Variants in SRGAP3 observed in about 807,000 individuals in gnomAD.
The protein encoded by SRGAP3 is SLIT-ROBO Rho GTPase-activating protein 3.
Under a neutral mutation model 121.1 loss-of-function variants are expected in SRGAP3, and 39 were observed. The observed-to-expected ratio is 0.32, with a 90% CI of 0.25 to 0.42. The LOEUF (loss-of-function observed/expected upper bound fraction) is 0.42, where lower values mean the gene tolerates loss of function less well. SRGAP3 is among the 10% of genes least tolerant of loss of function. The pLI is 1.00. For missense variants in SRGAP3, 1,213 were observed against 1,470.6 expected (o/e 0.82, Z 2.86); for synonymous variants, 601 against 570.0 (o/e 1.05, Z -0.77).
intron 1 of SRGAP3, among the ~76,000 whole-genome samples, chr3:9,168,739 A>T (rs1301767757): frequency 6.6e-6 from 1 of 152,254 alleles, no homozygotes; most frequent in Non-Finnish European, 1.5e-5. Flanking sequence ...TGCAGATATG[A>T]GGAAAGAGAG....
intron 1 of SRGAP3, among the ~76,000 whole-genome samples, chr3:9,188,178 A>C (rs1461279736): frequency 6.6e-6 from 1 of 152,208 alleles, no homozygotes; most frequent in African/African-American, 2.4e-5. Flanking sequence ...AATAAAACAA[A>C]AGGCTGACAA....
At chr3:9,060,050 C>T (rs1040659439) in intron 6 of SRGAP3, 181 bp downstream of exon 6, 229 of 947,888 alleles carry the variant, frequency 2.4e-4, no homozygotes, top group Non-Finnish European at 3.3e-4. Context: ...ATAGACACCA[C>T]GAGGTAACAT....
intron 1 of SRGAP3, among the ~76,000 whole-genome samples, chr3:9,336,347 C>G (rs1481867041): frequency 6.6e-6 from 1 of 152,040 alleles, no homozygotes; most frequent in African/African-American, 2.4e-5. Context: ...TCCTGAGTAG[C>G]TGGGACTATA....
chr3:9,120,911 C>T (rs758111372), intron 2 of SRGAP3, among the ~76,000 whole-genome samples: 5 of 152,176 alleles, frequency 3.3e-5, no homozygotes, highest in Admixed American at 6.5e-5. Context: ...CAGCACAGTG[C>T]GTATTCCTGG....
At chr3:9,080,534 TGA>T (rs1947190418) in intron 3 of SRGAP3, among the ~76,000 whole-genome samples, 1 of 152,184 alleles carries the variant, frequency 6.6e-6, no homozygotes, top group Non-Finnish European at 1.5e-5. Flanking sequence ...CAATTCCTCT[TGA>T]GAGTAAATGA....
chr3:9,096,715 A>G (rs1307203647), intron 3 of SRGAP3, among the ~76,000 whole-genome samples: 9 of 151,648 alleles, frequency 5.9e-5, no homozygotes, highest in African/African-American at 1.7e-4. Flanking sequence ...GACCACCATC[A>G]TTTAGAACTA....
intron 1 of SRGAP3, among the ~76,000 whole-genome samples, chr3:9,158,984 G>A (rs1366212744): frequency 6.6e-6 from 1 of 152,156 alleles, no homozygotes; most frequent in African/African-American, 2.4e-5. Flanking sequence ...ACTCACCCTA[G>A]TCTCTGCGCT....
At chr3:9,128,767 A>C (rs1002580993) in intron 1 of SRGAP3, among the ~76,000 whole-genome samples, 1 of 152,276 alleles carries the variant, frequency 6.6e-6, no homozygotes, top group African/African-American at 2.4e-5. Context: ...ATAATGAAAA[A>C]GGAATGCTAC....
At chr3:9,207,826 C>T (rs944292000) in intron 1 of SRGAP3, among the ~76,000 whole-genome samples, 3 of 152,172 alleles carry the variant, frequency 2.0e-5, no homozygotes, top group Non-Finnish European at 4.4e-5. Context: ...AGTAACTTCC[C>T]GGACCTGGGG....
At chr3:9,257,668 C>A (rs1954159973) in intron 3 of SRGAP3, among the ~76,000 whole-genome samples, 1 of 133,220 alleles carries the variant, frequency 7.5e-6, no homozygotes, top group African/African-American at 2.7e-5. Context: ...TTTACGAATT[C>A]ATTTACTCAC....
At chr3:9,224,966 G>A (rs574922413) in intron 1 of SRGAP3, among the ~76,000 whole-genome samples, 27 of 152,294 alleles carry the variant, frequency 1.8e-4, no homozygotes, top group African/African-American at 6.0e-4. Flanking sequence ...GGGCAATCAA[G>A]AGGTCTACAG....
At chr3:8,986,452 C>A (rs1941713137) in intron 21 of SRGAP3, among the ~76,000 whole-genome samples, 1 of 152,156 alleles carries the variant, frequency 6.6e-6, no homozygotes, top group Non-Finnish European at 1.5e-5. Flanking sequence ...CCAAACCCTG[C>A]CCCCTAATAA....
intron 1 of SRGAP3, among the ~76,000 whole-genome samples, chr3:9,197,734 A>T (rs1349688074): frequency 6.6e-6 from 1 of 152,252 alleles, no homozygotes; most frequent in Non-Finnish European, 1.5e-5. Context: ...TCCAAAGCAT[A>T]TGCTTCAGAA....
intron 3 of SRGAP3, among the ~76,000 whole-genome samples, chr3:9,268,035 A>G (rs1296129497): frequency 6.6e-6 from 1 of 152,130 alleles, no homozygotes; most frequent in Non-Finnish European, 1.5e-5. Flanking sequence ...CCTCAGACCA[A>G]CAGGAAGCAA....
At chr3:9,214,827 T>C (rs1154396) in intron 1 of SRGAP3, among the ~76,000 whole-genome samples, 40,879 of 152,040 alleles carry the variant, frequency 0.27, 5,747 homozygotes, top group South Asian at 0.32. Context: ...CTATGACTAA[T>C]AAGGAAAATT....
chr3:9,058,303 T>A lies in SRGAP3; in HGVS notation c.971A>T (p.Gln324Leu), dbSNP rs112559195. 3.7e-4 allele frequency: 598 copies of A among 1,614,192 alleles called. 4 individuals are homozygous for A. In the African/African-American group the frequency reaches 6.2e-3, roughly 17 times the overall value. ...GAACTTGAGTGGAGGGCAGAAGACT[T>A]GATTGCACATGTCCATGACTGTGTG... ...DKHTVMDMCNQVFCPPLKFEF... is the reference protein window; with the variant it reads ...DKHTVMDMCNLVFCPPLKFEF... Residue 324 changes from glutamine to leucine, a missense_variant, in exon 7 of 22, where the codon CAA becomes CTA. Gln to Leu is a moderately radical substitution (Grantham distance 113). Transcript: ENST00000383836.
rs748324724 is a variant in SRGAP3, at chr3:9,353,019, T to C, written n.214+9821A>G. Among the ~76,000 whole-genome samples, 3 of 152,230 alleles carry C rather than the reference T, an allele frequency of 2.0e-5. No homozygotes were observed. In the East Asian group the frequency reaches 5.8e-4, roughly 29 times the overall value. On this transcript the variant is annotated intron_variant and non_coding_transcript_variant, in intron 1 of 3. Coordinates refer to the SRGAP3 transcript ENST00000490889. Reference sequence around the variant, plus strand: ...CTGAGCCTATGTGGCTTTATCATCATTGTCCCTGCTGATCTTGCTGGTGAT... The same window carrying C: ...CTGAGCCTATGTGGCTTTATCATCACTGTCCCTGCTGATCTTGCTGGTGAT...
intron 1 of SRGAP3, among the ~76,000 whole-genome samples, chr3:9,189,376 TC>T (rs1951688713): frequency 6.6e-6 from 1 of 152,312 alleles, no homozygotes; most frequent in Non-Finnish European, 1.5e-5. Context: ...TTGTCCCGAG[TC>T]CCTTCTGGAA....
intron 17 of SRGAP3, among the ~76,000 whole-genome samples, chr3:9,012,136 C>T (rs34812387): frequency 0.026 from 4,021 of 152,266 alleles, 75 homozygotes; most frequent in Middle Eastern, 0.048. Flanking sequence ...ACCACTATGA[C>T]CCAGTATTTC....
Sources: allele counts gnomAD v4.1 joint callset (sites outside exome capture counted in the v4.1 genomes callset), GRCh38; gene constraint gnomAD v4.1.1; transcripts MANE v1.5; gene names NCBI Gene and HGNC (gene_info 2026-07-23, HGNC 2026-07-21).